The following TSHZ2 variants were observed in gnomAD, a reference collection of about 807,000 sequenced individuals.
TSHZ2 encodes the protein teashirt zinc finger homeobox 2.
TSHZ2 carries 21 observed loss-of-function variants against 74.4 expected under a neutral mutation model. That is an observed-to-expected ratio of 0.28 (90% confidence interval 0.20 to 0.41). The LOEUF is 0.41. Among genes scored for constraint, TSHZ2 ranks in the 10% least tolerant of loss-of-function variants. The pLI, the probability that TSHZ2 is intolerant of heterozygous loss-of-function variation, is 1.00. For missense variants in TSHZ2, 1,244 were observed against 1,293.5 expected, an observed-to-expected ratio of 0.96 and a Z score of 0.59; for synonymous variants, 540 against 515.3, an observed-to-expected ratio of 1.05 and a Z score of -0.65.
At chr20:53,348,004 AC>A (rs1980505911) in intron 2 of TSHZ2, among the ~76,000 whole-genome samples, 1 of 152,084 alleles carries the variant, frequency 6.6e-6, no homozygotes, top group African/African-American at 2.4e-5. Context: ...GCCCCTGATA[AC>A]CGCTAATCTG....
At chr20:53,479,838 A>G (rs1986097090) in intron 2 of TSHZ2, among the ~76,000 whole-genome samples, 2 of 152,204 alleles carry the variant, frequency 1.3e-5, no homozygotes, top group Admixed American at 1.3e-4. Flanking sequence ...GAGGCTGAAT[A>G]TCTACAATGC....
At chr20:53,396,649 C>A (rs1324884080) in intron 2 of TSHZ2, among the ~76,000 whole-genome samples, 1 of 151,932 alleles carries the variant, frequency 6.6e-6, no homozygotes, top group East Asian at 1.9e-4. Flanking sequence ...GAGTTCAAGA[C>A]CAGCCTGGGC....
intron 2 of TSHZ2, among the ~76,000 whole-genome samples, chr20:53,281,624 G>A (rs1991062950): frequency 6.6e-6 from 1 of 152,214 alleles, no homozygotes. Flanking sequence ...AGTGTCTCAT[G>A]TGGGGGTCCT....
intron 1 of TSHZ2, among the ~76,000 whole-genome samples, chr20:53,021,678 G>T (rs949796197): frequency 2.6e-5 from 4 of 152,116 alleles, no homozygotes; most frequent in African/African-American, 9.7e-5. Flanking sequence ...AGCAGGAACT[G>T]ATCATAAGTC....
chr20:53,014,150 A>G (rs1278375160), intron 1 of TSHZ2, among the ~76,000 whole-genome samples: 5 of 152,080 alleles, frequency 3.3e-5, no homozygotes, highest in Admixed American at 2.0e-4. Flanking sequence ...GTTTCTGGTA[A>G]AGGGTTTTTT....
At chr20:53,150,871 T>G (rs781054902) in intron 1 of TSHZ2, among the ~76,000 whole-genome samples, 5 of 152,206 alleles carry the variant, frequency 3.3e-5, no homozygotes, top group Non-Finnish European at 7.3e-5. Context: ...TGGGCTGGCT[T>G]AGGTATACTT....
chr20:52,977,224 G>A (rs186980294), intron 1 of TSHZ2, among the ~76,000 whole-genome samples: 4 of 152,206 alleles, frequency 2.6e-5, no homozygotes, highest in East Asian at 1.9e-4. Flanking sequence ...AGCTCAGGGC[G>A]AAGTTTACCT....
At chr20:53,193,338 C>G (rs987553205) in intron 1 of TSHZ2, among the ~76,000 whole-genome samples, 2 of 152,172 alleles carry the variant, frequency 1.3e-5, no homozygotes, top group African/African-American at 4.8e-5. Context: ...GACAACTGCT[C>G]CAGACACATT....
chr20:53,381,958 T>G (rs529570926), intron 2 of TSHZ2, among the ~76,000 whole-genome samples: 3 of 152,336 alleles, frequency 2.0e-5, no homozygotes, highest in African/African-American at 4.8e-5. Context: ...GTACCTTTTT[T>G]GGGGACAAGG....
At chr20:53,040,193 C>T (rs1250656273) in intron 1 of TSHZ2, among the ~76,000 whole-genome samples, 1 of 152,172 alleles carries the variant, frequency 6.6e-6, no homozygotes, top group Non-Finnish European at 1.5e-5. Flanking sequence ...AGAGACGAGG[C>T]CTGTCTGACA....
chr20:53,111,569 A>G lies in TSHZ2; in HGVS notation c.40+138236A>G, dbSNP rs894279302. Among the ~76,000 whole-genome samples the G allele has an allele frequency of 2.6e-5, 4 of 152,348 alleles. No homozygotes were observed. The South Asian group carries it at 8.3e-4, about 32-fold the overall frequency. ...GAAAAGCAAGTCAGGTGGCCCACGT[A>G]ACTTCGAGAGGACATCAAAGTGTAA... On this transcript the variant is annotated intron_variant, in intron 1 of 2. Coordinates refer to ENST00000371497, the MANE Select transcript of TSHZ2 (RefSeq NM_173485.6).
At chr20:53,461,764 A>G (rs189904557) in intron 2 of TSHZ2, among the ~76,000 whole-genome samples, 2 of 152,336 alleles carry the variant, frequency 1.3e-5, no homozygotes, top group Admixed American at 1.3e-4. Flanking sequence ...GTCTAAAATT[A>G]ACATCTGAGA....
intron 2 of TSHZ2, among the ~76,000 whole-genome samples, chr20:53,439,844 C>G (rs1984244185): frequency 6.6e-6 from 1 of 152,096 alleles, no homozygotes; most frequent in African/African-American, 2.4e-5. Flanking sequence ...GCTGGAGATT[C>G]AACATGCTAC....
At chr20:53,371,499 T>C (rs192385739) in intron 2 of TSHZ2, among the ~76,000 whole-genome samples, 36 of 152,336 alleles carry the variant, frequency 2.4e-4, no homozygotes, top group African/African-American at 8.7e-4. Flanking sequence ...GATGGCTGTA[T>C]GAAGGACCAC....
At position 53,321,692 on chromosome 20, in the gene TSHZ2, A is replaced by AAAAAAAAAAG. The variant is rs1555850307; in HGVS notation, c.*8+65129_*8+65130insAGAAAAAAAA. Among the ~76,000 whole-genome samples the AAAAAAAAAAG allele has an allele frequency of 6.7e-5, 10 of 149,036 alleles. 1 individual carries two copies. The highest frequency in any genetic ancestry group is 1.2e-4 in the Non-Finnish European group (8 of 67,446). ...GGGCGAGACTCCATCTCAAAAAAAA[A>AAAAAAAAAAG]AAAAAAAAGAAAGACATTCCTAAGC... On this transcript the variant is annotated intron_variant, in intron 2 of 2. Transcript: ENST00000371497.
intron 2 of TSHZ2, among the ~76,000 whole-genome samples, chr20:53,408,807 A>G (rs1184409021): frequency 6.6e-6 from 1 of 152,230 alleles, no homozygotes; most frequent in Non-Finnish European, 1.5e-5. Flanking sequence ...TTCACTCTGT[A>G]TATCATCCTA....
chr20:53,222,870 C>A (rs1247348627), intron 1 of TSHZ2, among the ~76,000 whole-genome samples: 2 of 152,116 alleles, frequency 1.3e-5, no homozygotes, highest in African/African-American at 4.8e-5. Flanking sequence ...GAAACTACAG[C>A]AAAACAAGAA....
intron 2 of TSHZ2, among the ~76,000 whole-genome samples, chr20:53,408,281 GAC>G (rs1260377398): frequency 6.6e-6 from 1 of 152,154 alleles, no homozygotes; most frequent in African/African-American, 2.4e-5. Context: ...CCCAGCGTTC[GAC>G]ACAGAGTCCA....
At chr20:53,428,153 A>G (rs1983721783) in intron 2 of TSHZ2, among the ~76,000 whole-genome samples, 1 of 152,234 alleles carries the variant, frequency 6.6e-6, no homozygotes. Flanking sequence ...GAGGAGAAGT[A>G]TCTGTTAGGC....
Sources: gnomAD v4.1 joint callset for allele counts (sites outside exome capture counted in the v4.1 genomes callset) on GRCh38, gnomAD v4.1.1 for gene constraint, MANE v1.5 for transcripts, NCBI Gene and HGNC (gene_info 2026-07-23, HGNC 2026-07-21) for gene names.